Variants in OSBPL9 observed in about 807,000 individuals in gnomAD.
The protein encoded by OSBPL9 is oxysterol binding protein like 9, also known as oxysterol-binding protein-related protein 9.
Under a neutral mutation model 106.6 loss-of-function variants are expected in OSBPL9, and 40 were observed. The ratio of observed to expected loss-of-function variants is 0.38; its 90% CI spans 0.29 to 0.49. The LOEUF is 0.49. OSBPL9 is among the 20% of genes least tolerant of loss of function. The pLI is 0.97. For synonymous variants in OSBPL9, 269 were observed against 295.4 expected, an observed-to-expected ratio of 0.91 and a Z score of 0.92; for missense variants, 609 against 887.2, an observed-to-expected ratio of 0.69 and a Z score of 3.98.
intron 5 of OSBPL9, 84 bp downstream of exon 5, chr1:51,745,715 G>T: frequency 7.2e-7 from 1 of 1,386,910 alleles, no homozygotes; most frequent in Non-Finnish European, 9.3e-7. Flanking sequence ...GTTACTTGAT[G>T]TTAATTTACA....
chr1:51,651,647 C>G (rs930823698), intron 1 of OSBPL9, among the ~76,000 whole-genome samples: 4 of 151,794 alleles, frequency 2.6e-5, no homozygotes, highest in African/African-American at 9.7e-5. Context: ...GATTCTTAAA[C>G]CTCCAGGTGA....
At chr1:51,754,911 A>G (rs771925298) in intron 8 of OSBPL9, among the ~76,000 whole-genome samples, 1 of 152,096 alleles carries the variant, frequency 6.6e-6, no homozygotes, top group African/African-American at 2.4e-5. Context: ...GGTTCAAGCA[A>G]TCCTCCTGCC....
chr1:51,688,646 T>G (rs1654329391), intron 3 of OSBPL9, among the ~76,000 whole-genome samples: 1 of 152,164 alleles, frequency 6.6e-6, no homozygotes. Context: ...AAAAAAATTT[T>G]TTAAAAGAAT....
chr1:51,617,577 A>C (rs577495787), intron 1 of OSBPL9, among the ~76,000 whole-genome samples: 1 of 152,176 alleles, frequency 6.6e-6, no homozygotes, highest in East Asian at 1.9e-4. Flanking sequence ...TGCTGTCTTC[A>C]TATGTTGTCA....
At chr1:51,545,157 A>G in the OSBPL9 span, among the ~76,000 whole-genome samples, 1 of 152,254 alleles carries the variant, frequency 6.6e-6, no homozygotes, top group Middle Eastern at 3.4e-3. Flanking sequence ...AGACATACTT[A>G]AAGAGATAGA....
chr1:51,574,148 ACT>A (rs1645169449), upstream of OSBPL9: 1 of 152,190 alleles, frequency 6.6e-6, no homozygotes. Context: ...TCAAGGGATG[ACT>A]CTGATATTCC....
At chr1:51,606,045 GAA>G (rs946272585) in intron 2 of OSBPL9, among the ~76,000 whole-genome samples, 2 of 152,030 alleles carry the variant, frequency 1.3e-5, no homozygotes, top group Non-Finnish European at 2.9e-5. Context: ...AGGAAAGAAA[GAA>G]AGAAATATGA....
chr1:51,689,378 T>G (rs1471136474), intron 3 of OSBPL9, among the ~76,000 whole-genome samples: 2 of 152,136 alleles, frequency 1.3e-5, no homozygotes, highest in African/African-American at 4.8e-5. Flanking sequence ...CTTTCTTTCC[T>G]TTCATTGACT....
At chr1:51,518,947 C>A in the OSBPL9 span, among the ~76,000 whole-genome samples, 1 of 151,240 alleles carries the variant, frequency 6.6e-6, no homozygotes, top group Non-Finnish European at 1.5e-5. Context: ...CGGAGGGCGG[C>A]GAGGGCCGCG....
rs576898390 is a variant in OSBPL9 at position 51,781,142 on chromosome 1, A to G, written c.1257-22A>G. The stretch of plus-strand genomic sequence containing the variant: ...CTTGTACCAGAAAGCAGGACATTAA[A>G]TTTTGTCTTTCTCCCTTGCAGCATT... On this transcript the variant is annotated intron_variant, in intron 15 of 23. Transcript: ENST00000428468. The G allele has an allele frequency of 2.5e-4, 404 of 1,610,776 alleles. 2 individuals carry two copies. The South Asian group carries it at 4.1e-3, about 16-fold the overall frequency.
intron 1 of OSBPL9, among the ~76,000 whole-genome samples, chr1:51,641,291 G>C (rs560050407): frequency 6.6e-6 from 1 of 152,220 alleles, no homozygotes; most frequent in East Asian, 1.9e-4. Flanking sequence ...TTTTATAAGG[G>C]AATTAATCCC....
intron 3 of OSBPL9, among the ~76,000 whole-genome samples, chr1:51,685,200 A>C (rs951056656): frequency 2.6e-5 from 4 of 152,218 alleles, no homozygotes; most frequent in Admixed American, 2.6e-4. Flanking sequence ...AACATGCCTA[A>C]TACCAAGGTT....
At chr1:51,671,736 G>T (rs768594591) in intron 3 of OSBPL9, among the ~76,000 whole-genome samples, 1 of 152,138 alleles carries the variant, frequency 6.6e-6, no homozygotes, top group Non-Finnish European at 1.5e-5. Flanking sequence ...AGGGAGAGGG[G>T]AAGTGTTGAA....
the OSBPL9 span, among the ~76,000 whole-genome samples, chr1:51,568,094 CT>C: frequency 6.6e-6 from 1 of 152,204 alleles, no homozygotes; most frequent in Non-Finnish European, 1.5e-5. Flanking sequence ...GGTTCTACCC[CT>C]AGGCCTAAAG....
chr1:51,540,771 C>T, the OSBPL9 span, among the ~76,000 whole-genome samples: 5 of 151,828 alleles, frequency 3.3e-5, no homozygotes, highest in Non-Finnish European at 5.9e-5. Flanking sequence ...CCAGCCTGGC[C>T]AACATGGTGA....
At chr1:51,761,483 C>A (rs1671491417) in intron 10 of OSBPL9, among the ~76,000 whole-genome samples, 1 of 152,088 alleles carries the variant, frequency 6.6e-6, no homozygotes, top group Non-Finnish European at 1.5e-5. Flanking sequence ...GTTTTTACTT[C>A]TTAAGTGAAT....
chr1:51,621,212 C>T (rs1199882186), intron 1 of OSBPL9, among the ~76,000 whole-genome samples: 1 of 152,130 alleles, frequency 6.6e-6, no homozygotes, highest in Non-Finnish European at 1.5e-5. Flanking sequence ...GTGAATATTT[C>T]AGTATGTGGC....
At chr1:51,649,865 CTT>C (rs980062368) in intron 1 of OSBPL9, among the ~76,000 whole-genome samples, 7 of 147,808 alleles carry the variant, frequency 4.7e-5, no homozygotes, top group Non-Finnish European at 1.0e-4. Flanking sequence ...AGTTATCTCT[CTT>C]AGTTTTTTCT....
the OSBPL9 span, chr1:51,566,445 C>T: frequency 6.6e-6 from 1 of 152,224 alleles, no homozygotes; most frequent in African/African-American, 2.4e-5. Context: ...CAGTCCTCCT[C>T]CAGAGCCCCA....
Sources: gnomAD v4.1 joint callset for allele counts (sites outside exome capture counted in the v4.1 genomes callset) on GRCh38, gnomAD v4.1.1 for gene constraint, MANE v1.5 for transcripts, NCBI Gene and HGNC (gene_info 2026-07-23, HGNC 2026-07-21) for gene names.